Variants in LRBA observed in about 807,000 individuals in gnomAD.
LRBA encodes lipopolysaccharide-responsive and beige-like anchor protein.
A neutral mutation model predicts 330.0 loss-of-function variants in LRBA; 176 were observed. The ratio of observed to expected loss-of-function variants is 0.53; its 90% CI spans 0.47 to 0.60. The LOEUF (loss-of-function observed/expected upper bound fraction) is 0.60. Among genes scored for constraint, LRBA ranks in the 20% least tolerant of loss-of-function variants. LRBA has a pLI of 0.00. For synonymous variants in LRBA, 1,230 were observed against 1,193.0 expected, an observed-to-expected ratio of 1.03 and a Z score of -0.64; for missense variants, 3,259 against 3,444.8, an observed-to-expected ratio of 0.95 and a Z score of 1.35.
chr4:150,556,846 A>G (rs1767383370), intron 40 of LRBA, among the ~76,000 whole-genome samples: 1 of 152,246 alleles, frequency 6.6e-6, no homozygotes, highest in Non-Finnish European at 1.5e-5. Context: ...TCAATGTGAC[A>G]GCAAAATCTG....
At chr4:150,889,034 G>C (rs1209274413) in intron 17 of LRBA, among the ~76,000 whole-genome samples, 1 of 152,178 alleles carries the variant, frequency 6.6e-6, no homozygotes, top group African/African-American at 2.4e-5. Context: ...TGAAGATGTA[G>C]GAAAGAACTG....
At chr4:150,454,334 G>C (rs973564907) in intron 44 of LRBA, among the ~76,000 whole-genome samples, 3 of 152,074 alleles carry the variant, frequency 2.0e-5, no homozygotes, top group African/African-American at 7.2e-5. Context: ...TGCTGAACAA[G>C]TCAGAAACTG....
chr4:150,706,600 A>G (rs12646400), intron 36 of LRBA, among the ~76,000 whole-genome samples: 1 of 146,830 alleles, frequency 6.8e-6, no homozygotes, highest in Non-Finnish European at 1.5e-5. Flanking sequence ...CACATTTAAC[A>G]AAAAAAAAAA....
At chr4:150,935,147 G>T (rs559746343) in intron 2 of LRBA, among the ~76,000 whole-genome samples, 108 of 147,804 alleles carry the variant, frequency 7.3e-4, no homozygotes, top group African/African-American at 2.6e-3. Context: ...TTGCACTCCA[G>T]CCTGGTCAAC....
At chr4:150,499,396 A>G (rs1175722276) in intron 40 of LRBA, among the ~76,000 whole-genome samples, 2 of 152,138 alleles carry the variant, frequency 1.3e-5, no homozygotes, top group African/African-American at 4.8e-5. Context: ...TAATCCTAGC[A>G]ATTTGGGAGG....
At chr4:150,470,409 C>T (rs905767) in intron 43 of LRBA, among the ~76,000 whole-genome samples, 128,639 of 151,974 alleles carry the variant, frequency 0.85, 55,965 homozygotes, top group Non-Finnish European at 0.95. Context: ...CTTTCCTTCT[C>T]TCTTCTCATA....
rs1753695454 is a variant in LRBA, at chr4:150,453,857, C to T, written c.6780+13816G>A. ...TGACTAATCTTAAACCTCTTTTCTT[C>T]CTTTTCCTGTACGAAAAATTCAACC... is the stretch of plus-strand genomic sequence containing the variant. On this transcript the variant is annotated intron_variant, in intron 44 of 56. Coordinates refer to ENST00000651943, the MANE Select transcript of LRBA (RefSeq NM_001364905.1). Among the ~76,000 whole-genome samples the T allele has an allele frequency of 2.0e-5, 3 of 152,272 alleles. No individual in the cohort carries two copies. In the South Asian group the frequency reaches 6.2e-4, roughly 32 times the overall value.
At chr4:150,464,570 A>G (rs1350196436) in intron 44 of LRBA, among the ~76,000 whole-genome samples, 2 of 151,992 alleles carry the variant, frequency 1.3e-5, no homozygotes, top group East Asian at 1.9e-4. Flanking sequence ...TTTTTTTTAA[A>G]CCAACCATTT....
At chr4:150,877,950 G>C (rs185001431) in intron 17 of LRBA, among the ~76,000 whole-genome samples, 1 of 152,224 alleles carries the variant, frequency 6.6e-6, no homozygotes, top group Non-Finnish European at 1.5e-5. Context: ...ACAATGAAAT[G>C]AAGGCAGAAA....
In LRBA at chr4:150,421,267, TATATA is replaced by T. The variant is rs1303519043; in HGVS notation, c.7042-5682_7042-5678del. 8.9e-4 allele frequency among the ~76,000 whole-genome samples: 77 copies of T among 86,134 alleles called. No individual in the cohort carries two copies. In the East Asian group the frequency reaches 0.023, roughly 26 times the overall value. The allele number at this position is 86,134 out of a possible 152,430, so 56.5% of individuals were successfully genotyped here. ...ATACATATATCATACATATTTTATA[TATATA>T]ATATAAATATATACTTATACATATA... On this transcript the variant is annotated intron_variant, in intron 46 of 56. Coordinates refer to ENST00000651943, the MANE Select transcript of LRBA (RefSeq NM_001364905.1).
At chr4:150,515,094 A>G (rs1400090254) in intron 40 of LRBA, among the ~76,000 whole-genome samples, 1 of 152,230 alleles carries the variant, frequency 6.6e-6, no homozygotes, top group African/African-American at 2.4e-5. Context: ...AGATAAAGAG[A>G]CTATCAAAAA....
At chr4:150,338,456 A>G (rs1297816360) in intron 48 of LRBA, among the ~76,000 whole-genome samples, 1 of 152,220 alleles carries the variant, frequency 6.6e-6, no homozygotes, top group Non-Finnish European at 1.5e-5. Flanking sequence ...AATATTGTTC[A>G]TATTAAGGTT....
At chr4:150,695,571 GC>G (rs770658920) in intron 36 of LRBA, among the ~76,000 whole-genome samples, 1 of 152,072 alleles carries the variant, frequency 6.6e-6, no homozygotes. Flanking sequence ...TCCTGCCTCA[GC>G]CTCCCAAAGT....
rs144224581 is a variant in LRBA at position 150,738,567 on chromosome 4, T to A, written c.5646-3201A>T. Among the ~76,000 whole-genome samples the A allele has an allele frequency of 3.9e-5, 6 of 152,266 alleles. No individual in the cohort carries two copies. In the East Asian group the frequency reaches 1.2e-3, roughly 29 times the overall value. On this transcript the variant is annotated intron_variant, in intron 35 of 56. Transcript: ENST00000651943. ...TGAAAATGACAAACGTGGGTAAATCTAAAAGTATACTGAATGTTTACAATA... is the reference window on the plus strand; with the variant it reads ...TGAAAATGACAAACGTGGGTAAATCAAAAAGTATACTGAATGTTTACAATA...
chr4:150,510,516 A>C (rs535823096), intron 40 of LRBA, among the ~76,000 whole-genome samples: 4 of 152,320 alleles, frequency 2.6e-5, no homozygotes, highest in African/African-American at 9.6e-5. Flanking sequence ...GTCTTCTCAT[A>C]CTACCTTCCC....
At chr4:150,661,470 A>AG (rs528203916) in intron 37 of LRBA, among the ~76,000 whole-genome samples, 1 of 114,852 alleles carries the variant, frequency 8.7e-6, no homozygotes, top group African/African-American at 4.3e-5. Flanking sequence ...ACTCTGTCTC[A>AG]AAAAAAAAAA....
At chr4:150,506,756 G>A (rs1358724823) in intron 40 of LRBA, among the ~76,000 whole-genome samples, 28 of 152,080 alleles carry the variant, frequency 1.8e-4, no homozygotes, top group Admixed American at 1.6e-3. Context: ...AGAAAGAAAG[G>A]GTATTCGATT....
At chr4:150,267,627 C>T (rs1394007153) in intron 56 of LRBA, among the ~76,000 whole-genome samples, 1 of 151,934 alleles carries the variant, frequency 6.6e-6, no homozygotes. Context: ...AGACAAAACC[C>T]CAGGCTAGGC....
At position 150,817,215 on chromosome 4, in the gene LRBA, G is replaced by C. The variant is rs751128630; in HGVS notation, c.5214C>G (p.Ser1738=). The change falls in exon 31 of 57, where the codon TCC becomes TCG. Residue 1738 remains serine, a synonymous_variant. Coordinates refer to ENST00000651943, the MANE Select transcript of LRBA (RefSeq NM_001364905.1). The part of the protein sequence containing the change: ...VAAKKSAVSP[S]TFNTSIPTNA... The stretch of plus-strand genomic sequence containing the variant: ...TGGTAGGTATGCTTGTATTAAAGGT[G>C]GAAGGTGAGACTGCTGACTTTTTTG... The C allele has an allele frequency of 6.2e-7, 1 of 1,612,196 alleles. No individual in the cohort carries two copies. The highest frequency in any genetic ancestry group is 1.3e-5 in the African/African-American group (1 of 74,920).
Sources: gnomAD v4.1 joint callset for allele counts (sites outside exome capture counted in the v4.1 genomes callset) on GRCh38, gnomAD v4.1.1 for gene constraint, MANE v1.5 for transcripts, NCBI Gene and HGNC (gene_info 2026-07-23, HGNC 2026-07-21) for gene names.